SULF2: variants seen among roughly 807,000 people sequenced by gnomAD.
SULF2 encodes the protein extracellular sulfatase Sulf-2.
A neutral mutation model predicts 107.7 loss-of-function variants in SULF2; 52 were observed. The ratio of observed to expected loss-of-function variants is 0.48; its 90% confidence interval spans 0.39 to 0.61. The LOEUF is 0.61. SULF2 is among the 20% of genes least tolerant of loss of function. The probability of loss-of-function intolerance (pLI) is 0.00; values close to 1 mark genes in which losing one functional copy is unlikely to be tolerated. For synonymous variants in SULF2, 460 were observed against 464.3 expected (o/e 0.99, Z 0.12); for missense variants, 993 against 1,177.3 (o/e 0.84, Z 2.29).
Position 47,702,254 on chromosome 20 carries a change from CTCG to C in SULF2, c.567+262_567+264del, listed in dbSNP as rs1459785923. Among the ~76,000 whole-genome samples the C allele has an allele frequency of 3.3e-5, 5 of 152,260 alleles. No individual in the cohort carries two copies. In the East Asian group the frequency reaches 7.7e-4, roughly 24 times the overall value. On this transcript the variant is annotated intron_variant, in intron 4 of 20. Transcript: ENST00000688720. Reference sequence around the variant, plus strand: ...TGTATTTTTTTCGTACAGACAGGGTCTCGTCATGTTGCCCAGGCTGGTCTTGAA... The same window carrying C: ...TGTATTTTTTTCGTACAGACAGGGTCTCATGTTGCCCAGGCTGGTCTTGAA...
chr20:47,783,427 C>A (rs2090866852), intron 1 of SULF2, among the ~76,000 whole-genome samples: 1 of 152,224 alleles, frequency 6.6e-6, no homozygotes. Flanking sequence ...GAAATGTTAT[C>A]TCCCAAATCA....
chr20:47,734,168 C>T (rs1177496433), intron 3 of SULF2, among the ~76,000 whole-genome samples: 2 of 152,162 alleles, frequency 1.3e-5, no homozygotes. Flanking sequence ...GAAATGGAGT[C>T]GGAGTCTCTG....
intron 3 of SULF2, among the ~76,000 whole-genome samples, chr20:47,715,940 A>G (rs2089106882): frequency 6.6e-6 from 1 of 152,202 alleles, no homozygotes; most frequent in Admixed American, 6.5e-5. Context: ...AGGAGTGGGT[A>G]GAATTGTTAA....
intron 15 of SULF2, 39 bp downstream of exon 15, chr20:47,664,091 C>T: frequency 1.3e-6 from 2 of 1,594,212 alleles, no homozygotes; most frequent in South Asian, 1.1e-5. Context: ...CTCATGCAGG[C>T]CTCTGCATCT....
At chr20:47,669,042 G>A (rs185773529) in intron 11 of SULF2, among the ~76,000 whole-genome samples, 3 of 152,220 alleles carry the variant, frequency 2.0e-5, no homozygotes, top group Admixed American at 1.3e-4. Flanking sequence ...TGCTAGTCCC[G>A]CCACCGCTGC....
intron 2 of SULF2, among the ~76,000 whole-genome samples, chr20:47,737,755 GTTTTT>G (rs11484375): frequency 4.9e-5 from 3 of 61,838 alleles, no homozygotes; most frequent in Admixed American, 4.7e-4. Flanking sequence ...TCTTTTCTTT[GTTTTT>G]TTTTTTTTTT....
intron 2 of SULF2, among the ~76,000 whole-genome samples, chr20:47,740,287 G>A (rs1434233517): frequency 6.6e-6 from 1 of 152,200 alleles, no homozygotes; most frequent in Non-Finnish European, 1.5e-5. Flanking sequence ...AGCAGAGGCG[G>A]GGTGCTGAGT....
chr20:47,727,383 AC>A (rs1482305680), intron 3 of SULF2, among the ~76,000 whole-genome samples: 3 of 152,086 alleles, frequency 2.0e-5, no homozygotes, highest in Non-Finnish European at 4.4e-5. Flanking sequence ...ATTCCCAGCA[AC>A]CCCCAGGAAC....
intron 4 of SULF2, 141 bp from the exon 5 acceptor site, chr20:47,690,436 A>G: frequency 1.9e-6 from 1 of 529,860 alleles, no homozygotes; most frequent in Non-Finnish European, 3.0e-6. Context: ...CTGACAGTCT[A>G]GGGAGCAGAC....
chr20:47,761,179 T>G (rs1419934257), intron 1 of SULF2, among the ~76,000 whole-genome samples: 1 of 152,142 alleles, frequency 6.6e-6, no homozygotes, highest in Non-Finnish European at 1.5e-5. Flanking sequence ...TCCTTCAACC[T>G]CCACCAAGGC....
chr20:47,757,585 A>G, intron 1 of SULF2, 122 bp from the exon 2 acceptor site: 1 of 521,660 alleles, frequency 1.9e-6, no homozygotes. Flanking sequence ...AGGGGTGGCT[A>G]TGGCAGAGTG....
chr20:47,736,706 T>C lies in SULF2; in HGVS notation c.412A>G (p.Thr138Ala). ...AVYLNSTGYR[T>A]AFFGKYLNEY... ...ACCTGCCCCCGTCCCTGCTCACCTG[T>C]CCGGTAGCCAGTGCTATTGAGGTAC... Residue 138 changes from threonine to alanine, a missense_variant, in exon 3 of 21, where the codon ACA (threonine) becomes GCA (alanine). This residue lies in a region of SULF2 where 388 missense variants were observed against 449.2 expected (regional missense o/e 0.86). Transcript: ENST00000688720. 6.2e-7 allele frequency: 1 copy of C among 1,614,176 alleles called. No homozygotes were observed. Among genetic ancestry groups the C allele is most frequent in the Non-Finnish European group, 8.5e-7 (1 of 1,180,026 alleles).
chr20:47,700,823 C>T (rs895004335), intron 4 of SULF2, among the ~76,000 whole-genome samples: 1 of 151,874 alleles, frequency 6.6e-6, no homozygotes, highest in East Asian at 1.9e-4. Flanking sequence ...TTTTTGTATT[C>T]TTAGTGGAGA....
chr20:47,685,373 T>C (rs951554277), intron 5 of SULF2: 5 of 152,216 alleles, frequency 3.3e-5, no homozygotes, highest in Admixed American at 6.5e-5. Flanking sequence ...TACAGGCGCG[T>C]GCCACCACAC....
intron 4 of SULF2, among the ~76,000 whole-genome samples, chr20:47,700,637 C>CTTTTTTTT (rs59966689): frequency 8.7e-5 from 11 of 126,208 alleles, no homozygotes; most frequent in Non-Finnish European, 6.4e-5. Context: ...GGTGCAACAT[C>CTTTTTTTT]TTTTTTTTTT....
Position 47,676,476 on chromosome 20 carries a change from G to C in SULF2, c.1380+18C>G, listed in dbSNP as rs2087645048. ...AGTCAGGAGGGGGAGCCGTTGGGAGGGAAGGGAGCCTTCTTACCTGTCCCA... is the reference window on the plus strand; with the variant it reads ...AGTCAGGAGGGGGAGCCGTTGGGAGCGAAGGGAGCCTTCTTACCTGTCCCA... On this transcript the variant is annotated intron_variant, in intron 10 of 20. Coordinates refer to ENST00000688720, the MANE Select transcript of SULF2 (RefSeq NM_001387048.1). The C allele has an allele frequency of 1.2e-6, 2 of 1,604,110 alleles. No individual in the cohort carries two copies. The highest frequency in any genetic ancestry group is 4.5e-5 in the East Asian group (2 of 44,762).
intron 3 of SULF2, among the ~76,000 whole-genome samples, chr20:47,717,967 A>G (rs1376224738): frequency 2.0e-5 from 3 of 152,022 alleles, no homozygotes; most frequent in African/African-American, 7.2e-5. Flanking sequence ...GGCATGCGCC[A>G]CCACCATGCC....
rs2088323134 is a variant in SULF2 at position 47,694,910 on chromosome 20, A to C, written c.568-4615T>G. ...ACTTTGACAAGTGGACATTATACCC[A>C]TTTTACAGATAAGGAAGTGAGGTCC... On this transcript the variant is annotated intron_variant, in intron 4 of 20. Coordinates refer to ENST00000688720, the MANE Select transcript of SULF2 (RefSeq NM_001387048.1). The surrounding 1 kb of genome is among the most constrained non-coding windows in gnomAD (Gnocchi z 4.4). Among the ~76,000 whole-genome samples, 1 of 152,146 alleles carries C rather than the reference A, an allele frequency of 6.6e-6. No individual in the cohort carries two copies. The highest frequency in any genetic ancestry group is 1.5e-5 in the Non-Finnish European group (1 of 68,030).
At chr20:47,724,506 G>A (rs1254212243) in intron 3 of SULF2, among the ~76,000 whole-genome samples, 1 of 152,186 alleles carries the variant, frequency 6.6e-6, no homozygotes, top group Non-Finnish European at 1.5e-5. Context: ...ATTAAATGCT[G>A]GCTCCAGCCA....
Sources: gnomAD v4.1 joint callset for allele counts (sites outside exome capture counted in the v4.1 genomes callset) on GRCh38, gnomAD v4.1.1 for gene constraint, gnomAD v4.1.1 regional missense constraint, Gnocchi (gnomAD v3.1) non-coding constraint, MANE v1.5 for transcripts, NCBI Gene and HGNC (gene_info 2026-07-23, HGNC 2026-07-21) for gene names.